ATP5F1C: variants seen among roughly 807,000 people sequenced by gnomAD.
ATP5F1C encodes ATP synthase F(1) complex subunit gamma, mitochondrial.
Under a neutral mutation model 37.4 loss-of-function variants are expected in ATP5F1C, and 22 were observed. The ratio of observed to expected loss-of-function variants is 0.59; its 90% confidence interval spans 0.42 to 0.84. The LOEUF (loss-of-function observed/expected upper bound fraction) is 0.84, where lower values mean the gene tolerates loss of function less well. ATP5F1C is among the 40% of genes least tolerant of loss of function. The probability of loss-of-function intolerance (pLI) is 0.00; values close to 1 mark genes in which losing one functional copy is unlikely to be tolerated. For missense variants in ATP5F1C, 286 were observed against 362.4 expected, an observed-to-expected ratio of 0.79 and a Z score of 1.71; for synonymous variants, 121 against 128.0, an observed-to-expected ratio of 0.95 and a Z score of 0.37.
At position 7,793,024 on chromosome 10, in the gene ATP5F1C, T is replaced by C. The variant is rs963064173; in HGVS notation, c.57-3097T>C. 7.8e-4 allele frequency among the ~76,000 whole-genome samples: 119 copies of C among 152,202 alleles called. 2 individuals are homozygous for C. Among genetic ancestry groups the C allele is most frequent in the Admixed American group, 2.8e-3 (43 of 15,280 alleles). The stretch of plus-strand genomic sequence containing the variant: ...CTTGGGTTTTATCCATTCTTGCAGG[T>C]GTGTAGTGATATCTTACTGTTTTAA... On this transcript the variant is annotated intron_variant, in intron 1 of 9. Transcript: ENST00000356708.
In ATP5F1C at chr10:7,802,396, C is replaced by T. The variant is rs769626270; in HGVS notation, c.764C>T (p.Thr255Ile). The T allele has an allele frequency of 1.9e-6, 3 of 1,613,616 alleles. No individual in the cohort carries two copies. The highest frequency in any genetic ancestry group is 2.2e-5 in the East Asian group (1 of 44,882). Residue 255 changes from threonine (T) to isoleucine (I), a missense_variant, in exon 7 of 10, where the codon ACA (threonine) becomes ATA (isoleucine). Thr to Ile is a moderately conservative substitution (Grantham distance 89). Transcript: ENST00000356708. ...ACTAGTGAGCAGAGTGCCAGGATGA[C>T]AGCCATGGACAATGCCAGCAAGAAT... is the stretch of plus-strand genomic sequence containing the variant. ...STTSEQSARM[T>I]AMDNASKNAS...
chr10:7,799,759 G>C lies in ATP5F1C; in HGVS notation c.429-13G>C, dbSNP rs1172689456. Reference sequence around the variant, plus strand: ...TATTAAACTAGCTATGTGAGCTCTTGCTTTTCTTATAGGACTCATTCTGAC... The same window carrying C: ...TATTAAACTAGCTATGTGAGCTCTTCCTTTTCTTATAGGACTCATTCTGAC... On this transcript the variant is annotated splice_polypyrimidine_tract_variant and intron_variant, in intron 4 of 9. Coordinates refer to ENST00000356708, the MANE Select transcript of ATP5F1C (RefSeq NM_001001973.3). The C allele has an allele frequency of 6.2e-7, 1 of 1,610,464 alleles. No individual in the cohort carries two copies. The highest frequency in any genetic ancestry group is 8.5e-7 in the Non-Finnish European group (1 of 1,178,952).
At chr10:7,804,459 TGCTGCA>T (rs1836435294) in intron 8 of ATP5F1C, among the ~76,000 whole-genome samples, 1 of 152,216 alleles carries the variant, frequency 6.6e-6, no homozygotes, top group Non-Finnish European at 1.5e-5. Context: ...GAGTGGCATG[TGCTGCA>T]GCCTGAAAAG....
rs1183107218 is a variant in ATP5F1C, at chr10:7,807,729, C to T, written c.*101C>T. The T allele has an allele frequency of 1.2e-5, 19 of 1,538,760 alleles. No individual in the cohort carries two copies. The highest frequency in any genetic ancestry group is 1.6e-5 in the Non-Finnish European group (18 of 1,128,834). Reference sequence around the variant, plus strand: ...GCTGCCTTTGTCCGAAGAAACTGTTCCTCCATTATTTGAATTACTGAAGAC... The same window carrying T: ...GCTGCCTTTGTCCGAAGAAACTGTTTCTCCATTATTTGAATTACTGAAGAC... On this transcript the variant is annotated 3_prime_UTR_variant, in exon 10 of 10. Transcript: ENST00000356708.
intron 9 of ATP5F1C, among the ~76,000 whole-genome samples, chr10:7,807,335 T>G (rs1490491381): frequency 6.6e-6 from 1 of 152,244 alleles, no homozygotes; most frequent in African/African-American, 2.4e-5. Flanking sequence ...CTGATTCATG[T>G]AGCAGAAGCC....
rs538678142 is a variant in ATP5F1C, at chr10:7,806,886, A to T, written c.891-88A>T. On this transcript the variant is annotated intron_variant, in intron 8 of 9. Transcript: ENST00000356708. The stretch of plus-strand genomic sequence containing the variant: ...CAAGTTTAACAATTGACTTTTTTTC[A>T]TTGGAAAGCATATGTGATTAACTAG... The T allele has an allele frequency of 8.6e-6, 10 of 1,162,046 alleles. No individual in the cohort carries two copies. In the South Asian group the frequency reaches 9.2e-5, roughly 11 times the overall value. The allele number at this position is 1,162,046 out of a possible 1,614,324, so 72.0% of individuals were successfully genotyped here. A position where few individuals can be genotyped will look rare whatever the true frequency, so the allele number is the denominator to read the frequency against.
chr10:7,797,434 A>G (rs1045902374), intron 3 of ATP5F1C, among the ~76,000 whole-genome samples: 4 of 152,224 alleles, frequency 2.6e-5, no homozygotes, highest in Non-Finnish European at 5.9e-5. Context: ...CTAAGATCAC[A>G]TATAAAAGGA....
At chr10:7,802,484 A>C in intron 7 of ATP5F1C, 59 bp downstream of exon 7, 3 of 1,549,906 alleles carry the variant, frequency 1.9e-6, no homozygotes, top group Non-Finnish European at 2.6e-6. Context: ...AGTGAATCTC[A>C]GCTGAGAGGA....
At chr10:7,797,311 C>T in intron 3 of ATP5F1C, 133 bp downstream of exon 3, 1 of 1,144,680 alleles carries the variant, frequency 8.7e-7, no homozygotes. Context: ...TTTTCATCTA[C>T]ATCCACTTGA....
At chr10:7,788,297 C>G (rs766997025) in intron 1 of ATP5F1C, 34 bp downstream of exon 1, 3 of 1,609,176 alleles carry the variant, frequency 1.9e-6, no homozygotes, top group Non-Finnish European at 2.5e-6. Context: ...GGCAGGACCG[C>G]AAGGGATGGA....
rs201940659 is a variant in ATP5F1C, at chr10:7,802,330, A to G, written c.698A>G (p.Asn233Ser). 8.7e-6 allele frequency: 14 copies of G among 1,613,992 alleles called. No individual in the cohort carries two copies. The Admixed American group carries it at 1.0e-4, about 12-fold the overall frequency. The stretch of plus-strand genomic sequence containing the variant: ...GTGCTGCAAAATTACCAAGAATACA[A>G]TCTGGCCAACATCATCTACTACTCT... ...ADVLQNYQEY[N>S]LANIIYYSLK... The change falls in exon 7 of 10, where the codon AAT becomes AGT. Residue 233 changes from asparagine to serine, a missense_variant. Physicochemically the swap from Asn to Ser is conservative, Grantham distance 46. Transcript: ENST00000356708.
chr10:7,799,695 T>C, intron 4 of ATP5F1C, 77 bp from the exon 5 acceptor site: 1 of 1,541,228 alleles, frequency 6.5e-7, no homozygotes, highest in South Asian at 1.2e-5. Flanking sequence ...TGACAATGTT[T>C]TCTCCTGCCT....
In ATP5F1C at chr10:7,800,060, C is replaced by T; in HGVS notation, c.606C>T (p.Pro202=). Residue 202 remains proline (P), a synonymous_variant, in exon 6 of 10, where the codon CCC becomes CCT. Coordinates refer to ENST00000356708, the MANE Select transcript of ATP5F1C (RefSeq NM_001001973.3). ...TCTCCTATAAGACAGAAGAAAAGCC[C>T]ATCTTTTCCCTTAATACCGTTGCAA... ...SVISYKTEEK[P]IFSLNTVASA... The T allele has an allele frequency of 3.1e-6, 5 of 1,613,990 alleles. No homozygotes were observed. The highest frequency in any genetic ancestry group is 4.2e-6 in the Non-Finnish European group (5 of 1,180,014).
chr10:7,804,517 G>T (rs1836436007), intron 8 of ATP5F1C, among the ~76,000 whole-genome samples: 1 of 152,128 alleles, frequency 6.6e-6, no homozygotes. Context: ...TCATCTGACT[G>T]CCTCCTGTGT....
Position 7,802,273 on chromosome 10 carries a change from G to A in ATP5F1C, c.641G>A (p.Ser214Asn). Residue 214 changes from serine to asparagine, a missense_variant, in exon 7 of 10, where the codon AGC becomes AAC. Transcript: ENST00000356708. The stretch of plus-strand genomic sequence containing the variant: ...AACTCATCACTTGTTTTAACAGACA[G>A]CATGAGTATCTATGACGATATTGAT... ...FSLNTVASAD[S>N]MSIYDDIDAD... is the part of the protein sequence containing the mutation. 2.5e-6 allele frequency: 4 copies of A among 1,606,808 alleles called. No homozygotes were observed. The highest frequency in any genetic ancestry group is 3.4e-6 in the Non-Finnish European group (4 of 1,177,264).
chr10:7,795,596 C>G (rs1013999541), intron 1 of ATP5F1C, among the ~76,000 whole-genome samples: 1 of 152,058 alleles, frequency 6.6e-6, no homozygotes, highest in Admixed American at 6.6e-5. Flanking sequence ...TTTACCAGTG[C>G]CTGGAATTTA....
At chr10:7,799,422 G>A (rs376649037) in intron 4 of ATP5F1C, 5 of 564,220 alleles carry the variant, frequency 8.9e-6, no homozygotes, top group East Asian at 3.1e-5. Context: ...TTCTTCATCC[G>A]GATCATAAGT....
chr10:7,807,747 C>A lies in ATP5F1C; in HGVS notation c.*119C>A. 7.2e-7 allele frequency: 1 copy of A among 1,396,452 alleles called. No homozygotes were observed. Among genetic ancestry groups the A allele is most frequent in the Admixed American group, 2.1e-5 (1 of 48,514 alleles). The allele number at this position is 1,396,452 out of a possible 1,614,324, so 86.5% of individuals were successfully genotyped here. On this transcript the variant is annotated 3_prime_UTR_variant, in exon 10 of 10. Transcript: ENST00000356708. ...AACTGTTCCTCCATTATTTGAATTA[C>A]TGAAGACAGCAAGATATTTGTAAAT... is the stretch of plus-strand genomic sequence containing the variant.
At chr10:7,794,639 G>A (rs990869725) in intron 1 of ATP5F1C, among the ~76,000 whole-genome samples, 3 of 151,914 alleles carry the variant, frequency 2.0e-5, no homozygotes, top group Non-Finnish European at 2.9e-5. Context: ...ACCTGTTGAC[G>A]TAATAGATTA....
Sources: gnomAD v4.1 joint callset for allele counts (sites outside exome capture counted in the v4.1 genomes callset) on GRCh38, gnomAD v4.1.1 for gene constraint, MANE v1.5 for transcripts, NCBI Gene and HGNC (gene_info 2026-07-23, HGNC 2026-07-21) for gene names.